The following CADPS2 variants were observed in gnomAD, a reference collection of about 807,000 sequenced individuals.
CADPS2 encodes the protein calcium-dependent secretion activator 2.
CADPS2 carries 93 observed loss-of-function variants against 172.5 expected under a neutral mutation model. The observed-to-expected ratio is 0.54, with a 90% CI of 0.46 to 0.64. CADPS2 has a LOEUF of 0.64. CADPS2 is among the 30% of genes least tolerant of loss of function. CADPS2 has a pLI of 0.00. For synonymous variants in CADPS2, 546 were observed against 555.2 expected (o/e 0.98, Z 0.23); for missense variants, 1,420 against 1,565.9 (o/e 0.91, Z 1.57).
chr7:122,704,226 T>G (rs1564115536), intron 2 of CADPS2, among the ~76,000 whole-genome samples: 1 of 152,240 alleles, frequency 6.6e-6, no homozygotes, highest in East Asian at 1.9e-4. Context: ...TTTGTTAGTA[T>G]TCCCTGTATT....
chr7:122,722,486 G>A (rs899364442), intron 2 of CADPS2, among the ~76,000 whole-genome samples: 69 of 151,486 alleles, frequency 4.6e-4, no homozygotes, highest in African/African-American at 1.6e-3. Flanking sequence ...AACTTACAAG[G>A]GATGTGAAGG....
intron 14 of CADPS2, among the ~76,000 whole-genome samples, chr7:122,461,670 C>A (rs1939667397): frequency 6.6e-6 from 1 of 152,162 alleles, no homozygotes; most frequent in South Asian, 2.1e-4. Flanking sequence ...TCTCGGCTCA[C>A]TGCAACCTCT....
rs756409034 is a variant in CADPS2 at position 122,621,657 on chromosome 7, G to A, written c.928C>T (p.Arg310Trp). 1.8e-5 allele frequency: 29 copies of A among 1,613,240 alleles called. No individual in the cohort carries two copies. The highest frequency in any genetic ancestry group is 4.5e-5 in the East Asian group (2 of 44,864). Reference sequence around the variant, plus strand: ...GCCATTAGCAAATTCACTGAAGACCGCAACTCTTCTATATACATATTCTCC... The same window carrying A: ...GCCATTAGCAAATTCACTGAAGACCACAACTCTTCTATATACATATTCTCC... Reference protein sequence around the residue: ...DMENMYIEELRSSVNLLMANL... With the variant: ...DMENMYIEELWSSVNLLMANL... The change falls in exon 5 of 30, where the codon CGG (arginine) becomes TGG (tryptophan). Residue 310 changes from arginine (R) to tryptophan (W), a missense_variant. Transcript: ENST00000449022.
In CADPS2 at chr7:122,483,224, A is replaced by T. The variant is rs192395153; in HGVS notation, c.1853-2364T>A. On this transcript the variant is annotated intron_variant, in intron 11 of 29. Transcript: ENST00000449022. ...CATCATAATCAAATTGCTCAAAAAC[A>T]GTGTTAAAGAGAAAAATCTTTAAAG... 3.7e-3 allele frequency among the ~76,000 whole-genome samples: 561 copies of T among 152,298 alleles called. 2 individuals carry two copies. The highest frequency in any genetic ancestry group is 5.8e-3 in the Non-Finnish European group (397 of 68,018).
At chr7:122,463,755 G>T (rs967587219) in intron 14 of CADPS2, among the ~76,000 whole-genome samples, 6 of 152,288 alleles carry the variant, frequency 3.9e-5, no homozygotes, top group Middle Eastern at 3.4e-3. Context: ...AGGTTTTGTA[G>T]ACAAGTACTA....
In CADPS2 at chr7:122,339,373, G is replaced by A. The variant is rs554404486; in HGVS notation, c.3612+6201C>T. ...TGTATTGTGAAAGTTCTGTTTAATGGTCACCCTTATCCATGTTTTGTTGAT... is the reference window on the plus strand; with the variant it reads ...TGTATTGTGAAAGTTCTGTTTAATGATCACCCTTATCCATGTTTTGTTGAT... On this transcript the variant is annotated intron_variant, in intron 28 of 29. Transcript: ENST00000449022. Among the ~76,000 whole-genome samples the A allele has an allele frequency of 2.0e-5, 3 of 151,926 alleles. No homozygotes were observed. The South Asian group carries it at 6.3e-4, about 32-fold the overall frequency.
At chr7:122,502,210 T>C (rs890772634) in intron 9 of CADPS2, among the ~76,000 whole-genome samples, 5 of 152,158 alleles carry the variant, frequency 3.3e-5, no homozygotes, top group African/African-American at 7.2e-5. Context: ...ATTTGTTTTA[T>C]AGTAATTGTT....
intron 24 of CADPS2, among the ~76,000 whole-genome samples, chr7:122,381,878 T>C (rs971641196): frequency 2.0e-5 from 3 of 152,126 alleles, no homozygotes; most frequent in African/African-American, 7.2e-5. Flanking sequence ...ATCCAAATAG[T>C]GTGAGGTTTT....
At chr7:122,790,908 T>C (rs796526592) in intron 1 of CADPS2, among the ~76,000 whole-genome samples, 10 of 152,302 alleles carry the variant, frequency 6.6e-5, no homozygotes, top group African/African-American at 1.9e-4. Flanking sequence ...CACTAATGGA[T>C]GTAGGAATAT....
At chr7:122,530,146 C>G (rs933738801) in intron 8 of CADPS2, among the ~76,000 whole-genome samples, 1 of 152,038 alleles carries the variant, frequency 6.6e-6, no homozygotes, top group Non-Finnish European at 1.5e-5. Context: ...GTAGTTCCTA[C>G]AAGACAGACT....
chr7:122,387,500 TTGTCTGAA>T (rs2043840536), intron 23 of CADPS2, among the ~76,000 whole-genome samples: 1 of 152,092 alleles, frequency 6.6e-6, no homozygotes, highest in African/African-American at 2.4e-5. Context: ...TCTGAATTAA[TTGTCTGAA>T]TTTCCAAGTA....
At chr7:122,812,280 A>G (rs1800184248) in intron 1 of CADPS2, among the ~76,000 whole-genome samples, 2 of 152,100 alleles carry the variant, frequency 1.3e-5, no homozygotes, top group South Asian at 4.1e-4. Flanking sequence ...CTGGTTAGCT[A>G]TAATGTTGTA....
chr7:122,733,726 G>T (rs2091892817), intron 2 of CADPS2, among the ~76,000 whole-genome samples: 1 of 151,960 alleles, frequency 6.6e-6, no homozygotes, highest in East Asian at 1.9e-4. Context: ...AGGGCCCAGT[G>T]ATATCCAACC....
At chr7:122,341,673 C>T (rs1420261410) in intron 28 of CADPS2, among the ~76,000 whole-genome samples, 1 of 152,126 alleles carries the variant, frequency 6.6e-6, no homozygotes, top group East Asian at 1.9e-4. Flanking sequence ...CAAAGTTTGA[C>T]TCAACAATCC....
intron 1 of CADPS2, among the ~76,000 whole-genome samples, chr7:122,771,463 G>A (rs559809362): frequency 6.6e-6 from 1 of 152,264 alleles, no homozygotes; most frequent in South Asian, 2.1e-4. Context: ...AATATCTACT[G>A]AGTCTCTATT....
chr7:122,576,817 G>A (rs891901229), intron 7 of CADPS2, among the ~76,000 whole-genome samples: 4 of 148,628 alleles, frequency 2.7e-5, no homozygotes, highest in Non-Finnish European at 5.9e-5. Context: ...CTGTTGCCCA[G>A]TGGCGCGATC....
intron 6 of CADPS2, among the ~76,000 whole-genome samples, chr7:122,586,350 A>G (rs1289137808): frequency 6.6e-6 from 1 of 151,962 alleles, no homozygotes; most frequent in Non-Finnish European, 1.5e-5. Flanking sequence ...AACAGGTTGT[A>G]TATTTCCATG....
At chr7:122,760,269 A>G (rs938263376) in intron 1 of CADPS2, among the ~76,000 whole-genome samples, 14 of 152,252 alleles carry the variant, frequency 9.2e-5, no homozygotes, top group African/African-American at 3.1e-4. Flanking sequence ...CATATTGTAC[A>G]GCAATCCCCA....
At chr7:122,450,655 T>C (rs2052966825) in intron 15 of CADPS2, among the ~76,000 whole-genome samples, 1 of 150,320 alleles carries the variant, frequency 6.7e-6, no homozygotes, top group Non-Finnish European at 1.5e-5. Flanking sequence ...CTCTGCCTCC[T>C]GAGCAGCTGA....
Sources: gnomAD v4.1 joint callset for allele counts (sites outside exome capture counted in the v4.1 genomes callset) on GRCh38, gnomAD v4.1.1 for gene constraint, MANE v1.5 for transcripts, NCBI Gene and HGNC (gene_info 2026-07-23, HGNC 2026-07-21) for gene names.